The following RHCE variants were observed in gnomAD, a reference collection of about 807,000 sequenced individuals.
RHCE encodes the protein blood group Rh(CE) polypeptide.
A neutral mutation model predicts 43.8 loss-of-function variants in RHCE; 22 were observed. The observed-to-expected ratio is 0.50, with a 90% CI of 0.36 to 0.72. The LOEUF (loss-of-function observed/expected upper bound fraction) is 0.72, where lower values mean the gene tolerates loss of function less well. Among genes scored for constraint, RHCE ranks in the 30% least tolerant of loss-of-function variants. The pLI is 0.00. For missense variants in RHCE, 385 were observed against 525.4 expected (o/e 0.73, Z 2.61); for synonymous variants, 156 against 210.7 (o/e 0.74, Z 2.25).
chr1:25,386,172 T>C (rs1225064379), intron 6 of RHCE, among the ~76,000 whole-genome samples: 3 of 152,158 alleles, frequency 2.0e-5, no homozygotes, highest in African/African-American at 7.2e-5. Flanking sequence ...GATAATTCCT[T>C]GTGATGGGGG....
Position 25,402,722 on chromosome 1 carries a change from AGCACTCATG to A in RHCE, c.351_359del (p.Ala120_Ser122del), listed in dbSNP as rs1458190289. 1.9e-6 allele frequency: 3 copies of A among 1,614,070 alleles called. No homozygotes were observed. The African/African-American group carries it at 4.0e-5, about 22-fold the overall frequency. On this transcript the variant is annotated inframe_deletion, in exon 3 of 10. Transcript: ENST00000294413. ...CACCCGCTGAGATCAGCACCGACAT[AGCACTCATG>A]GTGGCCAGCCGAATACTGGGGGTGA...
rs1444353165 is a variant in RHCE at position 25,390,751 on chromosome 1, T to A, written c.799A>T (p.Met267Leu). ...SLAHPQRKIS[M>L]TYVHSAVLAG... Reference sequence around the variant, plus strand: ...CCCAAGGGCAGCGCCCTGCTCACCATGCTGATCTTCCTTTGGGGGTGAGCC... The same window carrying A: ...CCCAAGGGCAGCGCCCTGCTCACCAAGCTGATCTTCCTTTGGGGGTGAGCC... Residue 267 changes from methionine (M) to leucine (L), a missense_variant and splice_region_variant, in exon 5 of 10, where the codon ATG becomes TTG. By Grantham distance (15) the Met-to-Leu change is conservative (BLOSUM62 2). This residue lies in a region of RHCE where 56 missense variants were observed against 90.0 expected (regional missense o/e 0.62). Coordinates refer to ENST00000294413, the MANE Select transcript of RHCE (RefSeq NM_020485.8). 6.2e-7 allele frequency: 1 copy of A among 1,614,130 alleles called. No individual in the cohort carries two copies. Among genetic ancestry groups the A allele is most frequent in the Admixed American group, 1.7e-5 (1 of 60,012 alleles).
At chr1:25,412,735 A>T (rs1212821329) in intron 1 of RHCE, among the ~76,000 whole-genome samples, 2 of 150,002 alleles carry the variant, frequency 1.3e-5, no homozygotes, top group African/African-American at 4.9e-5. Context: ...AAAAAAAAAA[A>T]AAAAAAAGGC....
chr1:25,381,175 T>C (rs1395156375), intron 7 of RHCE, among the ~76,000 whole-genome samples: 3 of 152,210 alleles, frequency 2.0e-5, no homozygotes, highest in African/African-American at 7.2e-5. Flanking sequence ...CTACGGATTT[T>C]CTGCTTTCCA....
rs149015340 is a variant in RHCE, at chr1:25,408,821, G to C, written c.197C>G (p.Thr66Ser). The C allele has an allele frequency of 1.4e-5, 18 of 1,283,166 alleles. 3 individuals carry two copies. The African/African-American group carries it at 2.3e-4, about 17-fold the overall frequency. The allele number at this position is 1,283,166 out of a possible 1,614,324, so 79.5% of individuals were successfully genotyped here. A position where few individuals can be genotyped will look rare whatever the true frequency, so the allele number is the denominator to read the frequency against. ...VMAALGLGFL[T>S]SNFRRHSWSS... ...CCAGCTGTGTCTCCGGAAATTTGAG[G>C]TGAGGAAGCCCAAGCCAAGGGCCGC... Residue 66 changes from threonine (T) to serine (S), a missense_variant, in exon 2 of 10, where the codon ACC becomes AGC. Transcript: ENST00000294413.
intron 7 of RHCE, among the ~76,000 whole-genome samples, chr1:25,383,422 G>C (rs555080219): frequency 6.6e-6 from 1 of 152,168 alleles, no homozygotes. Flanking sequence ...CCATTACATA[G>C]AGATGTCCCC....
chr1:25,429,913 G>A (rs1167169820), intron 1 of RHCE: 1 of 152,158 alleles, frequency 6.6e-6, no homozygotes, highest in Admixed American at 6.5e-5. Context: ...GTTATAAGGA[G>A]TAAATGAGCA....
At chr1:25,403,408 G>C (rs1646817056) in intron 2 of RHCE, among the ~76,000 whole-genome samples, 1 of 152,068 alleles carries the variant, frequency 6.6e-6, no homozygotes, top group African/African-American at 2.4e-5. Flanking sequence ...CTAGCACCAA[G>C]ACTGGCACAA....
chr1:25,393,314 A>G (rs1018888080), intron 3 of RHCE, among the ~76,000 whole-genome samples: 3 of 152,100 alleles, frequency 2.0e-5, no homozygotes, highest in Non-Finnish European at 4.4e-5. Context: ...CAGCAGACAG[A>G]GTGACCCTGT....
chr1:25,415,138 C>A (rs28633797), intron 1 of RHCE, among the ~76,000 whole-genome samples: 90,177 of 151,668 alleles, frequency 0.59, 28,427 homozygotes, highest in African/African-American at 0.8. Context: ...CCAGTCTTAA[C>A]TCCCCACTCT....
chr1:25,427,466 C>T (rs776526559), intron 2 of RHCE, among the ~76,000 whole-genome samples: 6 of 152,228 alleles, frequency 3.9e-5, no homozygotes, highest in Non-Finnish European at 8.8e-5. Flanking sequence ...CTGGGGCCTT[C>T]TGGCAGGAGG....
chr1:25,410,465 T>C (rs976040373), intron 1 of RHCE, among the ~76,000 whole-genome samples: 7 of 152,060 alleles, frequency 4.6e-5, no homozygotes, highest in African/African-American at 1.7e-4. Context: ...AGAGTCTCTC[T>C]GTTACCCAGG....
At chr1:25,385,449 T>C (rs1646123451) in intron 7 of RHCE, 1 of 546,520 alleles carries the variant, frequency 1.8e-6, no homozygotes, top group South Asian at 1.7e-5. Context: ...GCTCTGTGTT[T>C]GTGGGGTCAC....
intron 8 of RHCE, 51 bp from the exon 9 acceptor site, chr1:25,370,591 A>G: frequency 1.4e-6 from 2 of 1,465,268 alleles, no homozygotes; most frequent in Non-Finnish European, 1.9e-6. Context: ...CAGGATTTTT[A>G]ATCTCAAGAT....
intron 2 of RHCE, among the ~76,000 whole-genome samples, chr1:25,426,380 A>G (rs945052662): frequency 1.3e-5 from 2 of 152,318 alleles, no homozygotes; most frequent in South Asian, 2.1e-4. Flanking sequence ...CATGAACTCT[A>G]TATCATAAGC....
At chr1:25,386,813 C>T (rs1646180186) in intron 6 of RHCE, among the ~76,000 whole-genome samples, 1 of 148,436 alleles carries the variant, frequency 6.7e-6, no homozygotes, top group African/African-American at 2.6e-5. Flanking sequence ...AAGAGCGAGA[C>T]ACCGTCTCAA....
At chr1:25,392,930 C>A (rs1646425891) in intron 3 of RHCE, among the ~76,000 whole-genome samples, 1 of 152,114 alleles carries the variant, frequency 6.6e-6, no homozygotes, top group Non-Finnish European at 1.5e-5. Flanking sequence ...CATGGACACG[C>A]ACTTCACTGA....
intron 1 of RHCE, among the ~76,000 whole-genome samples, chr1:25,413,100 G>A (rs1248270020): frequency 2.0e-5 from 3 of 152,056 alleles, no homozygotes; most frequent in South Asian, 2.1e-4. Context: ...CCCTGATCCC[G>A]ATTCCCTGAT....
At chr1:25,420,178 T>C (rs684725) in intron 1 of RHCE, among the ~76,000 whole-genome samples, 20 of 151,882 alleles carry the variant, frequency 1.3e-4, no homozygotes, top group East Asian at 5.8e-4. Flanking sequence ...TGAGACCCTG[T>C]CTCAAAAAGA....
Sources: gnomAD v4.1 joint callset for allele counts (sites outside exome capture counted in the v4.1 genomes callset) on GRCh38, gnomAD v4.1.1 for gene constraint, gnomAD v4.1.1 regional missense constraint, MANE v1.5 for transcripts, NCBI Gene and HGNC (gene_info 2026-07-23, HGNC 2026-07-21) for gene names.